Variants in PBX3 observed in about 807,000 individuals in gnomAD.
PBX3 encodes the protein pre-B-cell leukemia transcription factor 3.
PBX3 carries 14 observed loss-of-function variants against 48.5 expected under a neutral mutation model. The observed-to-expected ratio is 0.29, with a 90% CI of 0.19 to 0.45. The LOEUF (loss-of-function observed/expected upper bound fraction) is 0.45. Ranked by LOEUF, PBX3 falls within the 20% of genes least tolerant of loss-of-function variation. The pLI, the probability that PBX3 is intolerant of heterozygous loss-of-function variation, is 1.00. For synonymous variants in PBX3, 210 were observed against 200.3 expected, an observed-to-expected ratio of 1.05 and a Z score of -0.41; for missense variants, 386 against 546.7, an observed-to-expected ratio of 0.71 and a Z score of 2.93.
chr9:125,944,492 A>G (rs1314953307), intron 5 of PBX3, among the ~76,000 whole-genome samples: 1 of 152,210 alleles, frequency 6.6e-6, no homozygotes, highest in Non-Finnish European at 1.5e-5. Context: ...GTTGGGGGAA[A>G]CAGACAGATG....
chr9:125,879,117 G>A (rs1229277904), intron 2 of PBX3, among the ~76,000 whole-genome samples: 6 of 127,598 alleles, frequency 4.7e-5, no homozygotes, highest in Admixed American at 2.0e-4. Context: ...TCACTCTGTC[G>A]CCCAGGCTGG....
intron 2 of PBX3, among the ~76,000 whole-genome samples, chr9:125,764,045 G>A (rs1264711885): frequency 3.3e-5 from 5 of 152,116 alleles, no homozygotes; most frequent in Admixed American, 6.5e-5. Flanking sequence ...TTAAAAGCCT[G>A]CAAACATGAA....
intron 4 of PBX3, among the ~76,000 whole-genome samples, chr9:125,934,480 A>T (rs1841790761): frequency 6.6e-6 from 1 of 152,222 alleles, no homozygotes; most frequent in East Asian, 1.9e-4. Flanking sequence ...TCAGGCTGGA[A>T]TTCTTTAAAA....
chr9:125,916,038 A>G, intron 3 of PBX3, 111 bp downstream of exon 3: 4 of 1,421,218 alleles, frequency 2.8e-6, no homozygotes, highest in Non-Finnish European at 3.8e-6. Flanking sequence ...ACAAATTACA[A>G]AATAAATAAG....
chr9:125,747,755 C>CGGCG (rs1836235745), intron 1 of PBX3, 102 bp downstream of exon 1: 2 of 847,152 alleles, frequency 2.4e-6, no homozygotes, highest in East Asian at 6.8e-5. Flanking sequence ...CCGCAGCCCC[C>CGGCG]GGCGGGGAAC....
Position 125,965,848 on chromosome 9 carries a change from G to A in PBX3, c.1230G>A (p.Gln410=). The A allele has an allele frequency of 6.2e-7, 1 of 1,614,036 alleles. No individual in the cohort carries two copies. The change falls in exon 9 of 9, where the codon CAG becomes CAA. Residue 410 remains glutamine (Q), a synonymous_variant. Transcript: ENST00000373489. ...PHNLNANGGW[Q]DATTPSSVTS... ...CCTTTCAGGCTAATGGAGGCTGGCA[G>A]GACGCAACAACTCCATCTTCTGTGA... is the stretch of plus-strand genomic sequence containing the variant.
chr9:125,916,158 T>G (rs940788266), intron 3 of PBX3, among the ~76,000 whole-genome samples: 11 of 152,224 alleles, frequency 7.2e-5, no homozygotes, highest in African/African-American at 2.7e-4. Context: ...TTAGTTTTAT[T>G]CATTCCGCAC....
intron 3 of PBX3, among the ~76,000 whole-genome samples, chr9:125,921,251 C>T (rs1841450648): frequency 6.6e-6 from 1 of 151,912 alleles, no homozygotes; most frequent in Non-Finnish European, 1.5e-5. Flanking sequence ...TTTATTGGCT[C>T]TATGTACCAA....
intron 3 of PBX3, among the ~76,000 whole-genome samples, chr9:125,924,025 C>G (rs568806834): frequency 7.9e-5 from 12 of 151,036 alleles, no homozygotes; most frequent in African/African-American, 2.7e-4. Context: ...CTACCATGCC[C>G]GGCTTAATTT....
At chr9:125,941,846 T>C (rs73668733) in intron 5 of PBX3, among the ~76,000 whole-genome samples, 17,596 of 152,218 alleles carry the variant, frequency 0.12, 2,545 homozygotes, top group African/African-American at 0.33. Flanking sequence ...GTTACTAAGC[T>C]GTAAAAAACT....
intron 2 of PBX3, among the ~76,000 whole-genome samples, chr9:125,750,983 CAAAG>C (rs746141874): frequency 1.4e-4 from 22 of 152,158 alleles, no homozygotes; most frequent in Non-Finnish European, 2.9e-4. Context: ...GTTACCAAAG[CAAAG>C]AAAGCGGGGC....
chr9:125,802,265 C>T (rs1279836012), intron 2 of PBX3, among the ~76,000 whole-genome samples: 1 of 151,654 alleles, frequency 6.6e-6, no homozygotes, highest in East Asian at 1.9e-4. Context: ...CTGTCCCCAC[C>T]CACCCCTCTC....
intron 5 of PBX3, among the ~76,000 whole-genome samples, chr9:125,941,568 A>G (rs1038399919): frequency 4.6e-5 from 7 of 152,238 alleles, no homozygotes; most frequent in Non-Finnish European, 8.8e-5. Context: ...GTGAAGGTAC[A>G]GGGTTTCCTG....
intron 2 of PBX3, among the ~76,000 whole-genome samples, chr9:125,846,926 T>C (rs906762656): frequency 2.0e-5 from 3 of 151,978 alleles, no homozygotes; most frequent in Admixed American, 6.6e-5. Context: ...CTTTGTACTT[T>C]TTTGTTGAAA....
chr9:125,755,297 A>C (rs1836483013), intron 2 of PBX3, among the ~76,000 whole-genome samples: 1 of 152,172 alleles, frequency 6.6e-6, no homozygotes, highest in Non-Finnish European at 1.5e-5. Context: ...AAATGGTTGC[A>C]TATAGAAATT....
intron 2 of PBX3, among the ~76,000 whole-genome samples, chr9:125,798,194 T>TATA (rs1378362071): frequency 2.6e-5 from 4 of 152,172 alleles, no homozygotes; most frequent in Non-Finnish European, 5.9e-5. Context: ...AATTCTCAGA[T>TATA]AGCTTAGTAA....
intron 5 of PBX3, among the ~76,000 whole-genome samples, chr9:125,946,363 A>G (rs933005065): frequency 1.3e-5 from 2 of 152,214 alleles, no homozygotes; most frequent in Non-Finnish European, 2.9e-5. Context: ...GATATACAAG[A>G]CAAAATGACA....
chr9:125,862,774 A>G (rs1839891660), intron 2 of PBX3, among the ~76,000 whole-genome samples: 1 of 152,002 alleles, frequency 6.6e-6, no homozygotes, highest in African/African-American at 2.4e-5. Context: ...GACATTGAGA[A>G]CTCTGAGTCA....
intron 2 of PBX3, among the ~76,000 whole-genome samples, chr9:125,761,255 G>A (rs1209071885): frequency 6.7e-6 from 1 of 149,074 alleles, no homozygotes; most frequent in African/African-American, 2.5e-5. Flanking sequence ...TCTTTATTAT[G>A]GTCTAATTTA....
Sources: allele counts gnomAD v4.1 joint callset (sites outside exome capture counted in the v4.1 genomes callset), GRCh38; gene constraint gnomAD v4.1.1; transcripts MANE v1.5; gene names NCBI Gene and HGNC (gene_info 2026-07-23, HGNC 2026-07-21).